PTPRG: variants seen among roughly 807,000 people sequenced by gnomAD.
PTPRG encodes receptor-type tyrosine-protein phosphatase gamma.
In PTPRG, 102 loss-of-function variants were observed where a neutral mutation model predicts 165.3. The observed-to-expected ratio is 0.62, with a 90% CI of 0.53 to 0.73. The LOEUF (loss-of-function observed/expected upper bound fraction) is 0.73, where lower values mean the gene tolerates loss of function less well. PTPRG is among the 30% of genes least tolerant of loss of function. The probability of loss-of-function intolerance (pLI) is 0.00; values close to 1 mark genes in which losing one functional copy is unlikely to be tolerated. For synonymous variants in PTPRG, 675 were observed against 669.5 expected, an observed-to-expected ratio of 1.01 and a Z score of -0.13; for missense variants, 1,866 against 1,861.4, an observed-to-expected ratio of 1.00 and a Z score of -0.05.
rs1015833473 is a variant in PTPRG at position 62,194,506 on chromosome 3, G to A, written c.1219-556G>A. Among the ~76,000 whole-genome samples, 7 of 152,240 alleles carry A rather than the reference G, an allele frequency of 4.6e-5. No individual in the cohort carries two copies. In the South Asian group the frequency reaches 1.0e-3, roughly 23 times the overall value. On this transcript the variant is annotated intron_variant, in intron 9 of 29. Coordinates refer to ENST00000474889, the MANE Select transcript of PTPRG (RefSeq NM_002841.4). ...ATACTCTGCGTAATAAAAATACAGC[G>A]AGGCCTTTGAACTGTAAAGAAACAG...
Position 62,296,942 on chromosome 3 carries a change from G to A in PTPRG, c.*3635G>A, listed in dbSNP as rs941247603. 1.3e-5 allele frequency: 2 copies of A among 151,926 alleles called. No homozygotes were observed. The highest frequency in any genetic ancestry group is 2.9e-5 in the Non-Finnish European group (2 of 67,942). 9.4% of individuals were successfully genotyped at this position (151,926 alleles called of 1,614,324 possible). ...AACATCTCCAGAAAAGGAGAAAGTCGATTTTATAAAATGTCGCAACTCTCC... is the reference window on the plus strand; with the variant it reads ...AACATCTCCAGAAAAGGAGAAAGTCAATTTTATAAAATGTCGCAACTCTCC... On this transcript the variant is annotated 3_prime_UTR_variant, in exon 30 of 30. Coordinates refer to ENST00000474889, the MANE Select transcript of PTPRG (RefSeq NM_002841.4).
chr3:62,199,083 A>C (rs1700036682), intron 10 of PTPRG, among the ~76,000 whole-genome samples: 1 of 152,290 alleles, frequency 6.6e-6, no homozygotes, highest in East Asian at 1.9e-4. Flanking sequence ...TGTTGGCATT[A>C]AATAGAGCTC....
intron 17 of PTPRG, among the ~76,000 whole-genome samples, chr3:62,265,845 C>CAT (rs1238160398): frequency 8.2e-6 from 1 of 121,320 alleles, no homozygotes; most frequent in African/African-American, 3.1e-5. Context: ...TACATACATA[C>CAT]ATACACACAC....
chr3:61,864,437 C>T (rs982118120), intron 2 of PTPRG, among the ~76,000 whole-genome samples: 1 of 151,794 alleles, frequency 6.6e-6, no homozygotes, highest in Non-Finnish European at 1.5e-5. Context: ...ATGGAGAATC[C>T]CGGGCTTCTA....
At chr3:61,835,844 C>T (rs1401582191) in intron 2 of PTPRG, among the ~76,000 whole-genome samples, 1 of 151,742 alleles carries the variant, frequency 6.6e-6, no homozygotes, top group Admixed American at 6.6e-5. Flanking sequence ...AGTTCGAGAT[C>T]AGCCTGGGCA....
chr3:61,778,304 T>C (rs1470340113), intron 2 of PTPRG, among the ~76,000 whole-genome samples: 1 of 152,164 alleles, frequency 6.6e-6, no homozygotes, highest in African/African-American at 2.4e-5. Flanking sequence ...AGGTTTCTTA[T>C]TGGCCACTTG....
chr3:62,168,327 G>A (rs979516145), intron 8 of PTPRG, among the ~76,000 whole-genome samples, 164 bp downstream of exon 8: 20 of 152,200 alleles, frequency 1.3e-4, no homozygotes, highest in African/African-American at 4.1e-4. Flanking sequence ...GCAGGTGTGG[G>A]AATATATTCT....
chr3:62,190,306 T>A lies in PTPRG; in HGVS notation c.1034-1163T>A, dbSNP rs931987461. ...GACAGTCCCCAAGAGCAAGGCATTG[T>A]CTAGCTCAAGAGGTCATGGGTGCTG... On this transcript the variant is annotated intron_variant, in intron 8 of 29. Transcript: ENST00000474889. The surrounding 1 kb of genome is among the most constrained non-coding windows in gnomAD (Gnocchi z 5.2). 3.3e-5 allele frequency among the ~76,000 whole-genome samples: 5 copies of A among 152,190 alleles called. No individual in the cohort carries two copies. Among genetic ancestry groups the A allele is most frequent in the Admixed American group, 6.5e-5 (1 of 15,282 alleles).
At chr3:62,238,521 A>G (rs1701080663) in intron 14 of PTPRG, among the ~76,000 whole-genome samples, 1 of 152,210 alleles carries the variant, frequency 6.6e-6, no homozygotes, top group Non-Finnish European at 1.5e-5. Flanking sequence ...CAAGTATAGC[A>G]GTCCACAAGG....
At chr3:62,244,597 A>G (rs1207255043) in intron 15 of PTPRG, among the ~76,000 whole-genome samples, 3 of 152,062 alleles carry the variant, frequency 2.0e-5, no homozygotes, top group Admixed American at 6.6e-5. Flanking sequence ...TCCTCTTGAC[A>G]TTACTCTTTT....
chr3:61,952,026 G>A (rs913812724), intron 2 of PTPRG, among the ~76,000 whole-genome samples: 2 of 149,926 alleles, frequency 1.3e-5, no homozygotes, highest in African/African-American at 4.9e-5. Flanking sequence ...GCTGAGGCAG[G>A]AGAATCACTT....
chr3:62,281,538 C>CTTTTGTTTTTTTTTTTT, intron 26 of PTPRG, 25 bp from the exon 27 acceptor site: 1 of 620,524 alleles, frequency 1.6e-6, no homozygotes, highest in Non-Finnish European at 2.1e-6. Flanking sequence ...ACTGCAGAGG[C>CTTTTGTTTTTTTTTTTT]TTTTTTTTTT....
chr3:61,729,332 T>C (rs2032397298), intron 1 of PTPRG, among the ~76,000 whole-genome samples: 1 of 152,214 alleles, frequency 6.6e-6, no homozygotes. Context: ...TAAAGTCTGA[T>C]TGTCCTGTGT....
intron 2 of PTPRG, among the ~76,000 whole-genome samples, chr3:61,882,591 C>T (rs911975699): frequency 6.6e-6 from 1 of 152,138 alleles, no homozygotes; most frequent in African/African-American, 2.4e-5. Context: ...GTCCTGCATA[C>T]TTCCATGAAT....
At chr3:61,835,784 A>G (rs2036439460) in intron 2 of PTPRG, among the ~76,000 whole-genome samples, 1 of 151,658 alleles carries the variant, frequency 6.6e-6, no homozygotes, top group Non-Finnish European at 1.5e-5. Flanking sequence ...CACACCTGTA[A>G]TCCCAGCACT....
At chr3:61,890,469 G>A (rs56049420) in intron 2 of PTPRG, among the ~76,000 whole-genome samples, 16,765 of 137,834 alleles carry the variant, frequency 0.12, 1,539 homozygotes, top group East Asian at 0.49. Flanking sequence ...TTCCTTTCAG[G>A]TCCTAACTCA....
rs1490918945 is a variant in PTPRG, at chr3:62,254,502, CA to C, written c.2468-615del. Among the ~76,000 whole-genome samples the C allele has an allele frequency of 3.9e-5, 6 of 151,956 alleles. No individual in the cohort carries two copies. The East Asian group carries it at 7.7e-4, about 20-fold the overall frequency. ...GAATCTATACCTAGTCTGTCAACAC[CA>C]AAAAAATCCAGTTAATTCAGTCAAA... On this transcript the variant is annotated intron_variant, in intron 15 of 29. Transcript: ENST00000474889. This position sits in a 1 kb window ranked among gnomAD's most constrained non-coding sequence, Gnocchi z 4.6.
intron 4 of PTPRG, among the ~76,000 whole-genome samples, chr3:62,047,680 G>A (rs1457745181): frequency 1.3e-5 from 2 of 152,210 alleles, no homozygotes; most frequent in East Asian, 1.9e-4. Flanking sequence ...TATGTAATAC[G>A]CATTTTCCCC....
chr3:62,087,937 T>C (rs200439807), intron 5 of PTPRG, among the ~76,000 whole-genome samples: 4 of 152,248 alleles, frequency 2.6e-5, no homozygotes, highest in South Asian at 2.1e-4. Flanking sequence ...TTTTATAGAT[T>C]TGATGACATC....
Sources: gnomAD v4.1 joint callset for allele counts (sites outside exome capture counted in the v4.1 genomes callset) on GRCh38, gnomAD v4.1.1 for gene constraint, Gnocchi (gnomAD v3.1) non-coding constraint, MANE v1.5 for transcripts, NCBI Gene and HGNC (gene_info 2026-07-23, HGNC 2026-07-21) for gene names.